DPP10: variants seen among roughly 807,000 people sequenced by gnomAD.
DPP10 encodes the protein dipeptidyl peptidase like 10, also known as inactive dipeptidyl peptidase 10.
DPP10 carries 33 observed loss-of-function variants against 120.9 expected under a neutral mutation model. The ratio of observed to expected loss-of-function variants is 0.27; its 90% CI spans 0.21 to 0.37. DPP10 has a LOEUF of 0.37. Among genes scored for constraint, DPP10 ranks in the 10% least tolerant of loss-of-function variants. DPP10 has a pLI of 1.00. For synonymous variants in DPP10, 337 were observed against 326.1 expected (o/e 1.03, Z -0.36); for missense variants, 816 against 942.8 (o/e 0.87, Z 1.76).
intron 1 of DPP10, among the ~76,000 whole-genome samples, chr2:114,813,257 T>C (rs994171078): frequency 1.3e-5 from 2 of 152,098 alleles, no homozygotes; most frequent in African/African-American, 4.8e-5. Context: ...ACTAAAAACA[T>C]ATATAGGAAG....
intron 1 of DPP10, among the ~76,000 whole-genome samples, chr2:114,549,268 G>C (rs892769486): frequency 6.6e-6 from 1 of 151,934 alleles, no homozygotes; most frequent in African/African-American, 2.4e-5. Context: ...TCCACATAGA[G>C]AGTCATTCAC....
At position 115,067,498 on chromosome 2, in the gene DPP10, C is replaced by T. The variant is rs576366134; in HGVS notation, c.61-241741C>T. Among the ~76,000 whole-genome samples the T allele has an allele frequency of 3.0e-3, 445 of 150,132 alleles. 3 individuals are homozygous for T. The highest frequency in any genetic ancestry group is 1.0e-2 in the African/African-American group (410 of 41,102). On this transcript the variant is annotated intron_variant, in intron 1 of 25. Coordinates refer to ENST00000410059, the MANE Select transcript of DPP10 (RefSeq NM_020868.6). ...CGATCTCCTGACCTCGTGATCCCCC[C>T]GCCTCGGCCTCCCAAAGTGCTGGGA...
intron 4 of DPP10, among the ~76,000 whole-genome samples, chr2:115,519,024 A>T (rs1162804053): frequency 6.6e-6 from 1 of 152,286 alleles, no homozygotes; most frequent in East Asian, 1.9e-4. Flanking sequence ...TAAATATGGA[A>T]GTTACAATAT....
chr2:115,330,264 T>C (rs2062633072), intron 2 of DPP10, among the ~76,000 whole-genome samples: 1 of 152,190 alleles, frequency 6.6e-6, no homozygotes, highest in African/African-American at 2.4e-5. Context: ...TCATATCTTT[T>C]GCCCACTTTT....
At chr2:115,542,866 C>A (rs571047241) in intron 5 of DPP10, among the ~76,000 whole-genome samples, 121 of 151,934 alleles carry the variant, frequency 8.0e-4, no homozygotes, top group African/African-American at 2.8e-3. Context: ...CCCTTCCCTA[C>A]GTGTGTAGCA....
intron 1 of DPP10, among the ~76,000 whole-genome samples, chr2:115,297,961 T>C (rs2060963799): frequency 6.6e-6 from 1 of 152,078 alleles, no homozygotes; most frequent in Admixed American, 6.6e-5. Context: ...TCAACAACTG[T>C]ACTCCTGGGA....
At position 114,448,460 on chromosome 2, in the gene DPP10, G is replaced by A. The variant is rs549113110; in HGVS notation, c.60+5622G>A. Among the ~76,000 whole-genome samples the A allele has an allele frequency of 4.2e-4, 64 of 152,278 alleles. 1 individual carries two copies. Among genetic ancestry groups the A allele is most frequent in the African/African-American group, 1.3e-3 (56 of 41,562 alleles). ...GGTCTACAAATGAAGCATGGACGTA[G>A]TAAGCTAAGATAGTGGTTATCAAAG... is the stretch of plus-strand genomic sequence containing the variant. On this transcript the variant is annotated intron_variant, in intron 1 of 25. Transcript: ENST00000410059.
At chr2:115,298,406 A>G (rs904289864) in intron 1 of DPP10, among the ~76,000 whole-genome samples, 1 of 152,038 alleles carries the variant, frequency 6.6e-6, no homozygotes, top group Non-Finnish European at 1.5e-5. Flanking sequence ...CATCTACCAA[A>G]TTCCTCTGAG....
chr2:114,622,402 CTATCT>C (rs1173595562), intron 1 of DPP10, among the ~76,000 whole-genome samples: 1 of 136,696 alleles, frequency 7.3e-6, no homozygotes, highest in African/African-American at 3.1e-5. Flanking sequence ...CCCCATCCAT[CTATCT>C]TTTTTTTTTT....
intron 1 of DPP10, among the ~76,000 whole-genome samples, chr2:114,714,071 TTGTG>T (rs59076753): frequency 0.33 from 48,008 of 147,262 alleles, 8,220 homozygotes; most frequent in South Asian, 0.46. Context: ...GGATTTGTGT[TTGTG>T]TGTGTGTGTG....
intron 1 of DPP10, among the ~76,000 whole-genome samples, chr2:115,251,394 G>C (rs968331717): frequency 1.3e-5 from 2 of 152,064 alleles, no homozygotes; most frequent in Non-Finnish European, 2.9e-5. Flanking sequence ...CACTTTTTCA[G>C]CTGTCCAGTT....
chr2:114,663,666 T>TAGGGAGAGAGAGAGAGAGAGAG (rs1264946349), intron 1 of DPP10, among the ~76,000 whole-genome samples: 1 of 92,628 alleles, frequency 1.1e-5, no homozygotes, highest in African/African-American at 6.7e-5. Context: ...TATATATATA[T>TAGGGAGAGAGAGAGAGAGAGAG]ATAGAGAGAG....
In DPP10 at chr2:114,761,841, T is replaced by G. The variant is rs891700742; in HGVS notation, c.60+319003T>G. Among the ~76,000 whole-genome samples the G allele has an allele frequency of 2.0e-4, 31 of 152,276 alleles. No individual in the cohort carries two copies. In the East Asian group the frequency reaches 5.8e-3, roughly 29 times the overall value. ...CCTCCTAGGAATTCCAAATTCCAAG[T>G]GAGGGCTCTGAGAAGACTTCAGATA... is the stretch of plus-strand genomic sequence containing the variant. On this transcript the variant is annotated intron_variant, in intron 1 of 25. Coordinates refer to ENST00000410059, the MANE Select transcript of DPP10 (RefSeq NM_020868.6).
At chr2:115,684,633 G>C (rs1386984603) in intron 5 of DPP10, among the ~76,000 whole-genome samples, 4 of 151,812 alleles carry the variant, frequency 2.6e-5, no homozygotes, top group Non-Finnish European at 5.9e-5. Context: ...TTCAACTGCA[G>C]TGCAGAAAAA....
chr2:114,907,778 C>A (rs1251343861), intron 1 of DPP10, among the ~76,000 whole-genome samples: 1 of 151,994 alleles, frequency 6.6e-6, no homozygotes, highest in Non-Finnish European at 1.5e-5. Flanking sequence ...TTAATGGCTT[C>A]GGTGTTCAGT....
At chr2:115,293,857 C>G (rs528405491) in intron 1 of DPP10, among the ~76,000 whole-genome samples, 2 of 151,794 alleles carry the variant, frequency 1.3e-5, no homozygotes, top group Non-Finnish European at 2.9e-5. Flanking sequence ...CTACTCTTGC[C>G]GAAGAAACAA....
intron 1 of DPP10, among the ~76,000 whole-genome samples, chr2:115,046,181 A>G (rs1705057125): frequency 6.6e-6 from 1 of 152,222 alleles, no homozygotes; most frequent in Admixed American, 6.5e-5. Context: ...AGCAACTTAA[A>G]ATTATTTCCA....
intron 8 of DPP10, among the ~76,000 whole-genome samples, chr2:115,731,041 A>G (rs1387230648): frequency 1.3e-5 from 2 of 152,122 alleles, no homozygotes; most frequent in Non-Finnish European, 2.9e-5. Context: ...CCTGGGCAAT[A>G]TGGCAAAATC....
At chr2:114,814,655 G>A (rs142486741) in intron 1 of DPP10, among the ~76,000 whole-genome samples, 11 of 152,146 alleles carry the variant, frequency 7.2e-5, no homozygotes, top group Non-Finnish European at 1.5e-4. Context: ...GTGGCTGCAG[G>A]ACCTGACCTG....
Sources: allele counts gnomAD v4.1 joint callset (sites outside exome capture counted in the v4.1 genomes callset), GRCh38; gene constraint gnomAD v4.1.1; transcripts MANE v1.5; gene names NCBI Gene and HGNC (gene_info 2026-07-23, HGNC 2026-07-21).